GNB1: variants seen among roughly 807,000 people sequenced by gnomAD.
GNB1 encodes the protein G protein subunit beta 1.
Under a neutral mutation model 42.9 loss-of-function variants are expected in GNB1, and 2 were observed. The ratio of observed to expected loss-of-function variants is 0.05; its 90% CI spans 0.02 to 0.15. The LOEUF (loss-of-function observed/expected upper bound fraction) is 0.15. Among genes scored for constraint, GNB1 ranks in the 10% least tolerant of loss-of-function variants. The pLI is 1.00. For synonymous variants in GNB1, 183 were observed against 174.7 expected, an observed-to-expected ratio of 1.05 and a Z score of -0.38; for missense variants, 193 against 462.2, an observed-to-expected ratio of 0.42 and a Z score of 5.34.
At chr1:1,872,024 C>G (rs1649277411) in intron 1 of GNB1, among the ~76,000 whole-genome samples, 1 of 149,754 alleles carries the variant, frequency 6.7e-6, no homozygotes, top group African/African-American at 2.5e-5. Flanking sequence ...TTTCTTAAGA[C>G]AGGGTCTCGC....
At chr1:1,844,103 G>A (rs575339623) in intron 1 of GNB1, among the ~76,000 whole-genome samples, 1 of 152,098 alleles carries the variant, frequency 6.6e-6, no homozygotes, top group South Asian at 2.1e-4. Flanking sequence ...GGTGAGGCAG[G>A]AGAATGGCGT....
chr1:1,825,147 G>C (rs1646980205), intron 3 of GNB1: 1 of 402,152 alleles, frequency 2.5e-6, no homozygotes, highest in Non-Finnish European at 4.5e-6. Context: ...GAATGCAAAA[G>C]ACACTTATAA....
chr1:1,824,389 C>T (rs1238590431), intron 3 of GNB1, among the ~76,000 whole-genome samples: 2 of 151,940 alleles, frequency 1.3e-5, no homozygotes, highest in Non-Finnish European at 2.9e-5. Flanking sequence ...TGCAGTGAGA[C>T]GAGATCGCGC....
intron 2 of GNB1, among the ~76,000 whole-genome samples, chr1:1,837,943 C>T (rs1647174573): frequency 6.6e-6 from 1 of 151,798 alleles, no homozygotes; most frequent in South Asian, 2.1e-4. Flanking sequence ...TGGCTCACGC[C>T]TGTAATCCCA....
At chr1:1,875,341 G>A (rs78385225) in intron 1 of GNB1, among the ~76,000 whole-genome samples, 395 of 152,056 alleles carry the variant, frequency 2.6e-3, no homozygotes, top group African/African-American at 9.0e-3. Context: ...ACAGGTGCAC[G>A]CCACCACACC....
rs150887991 is a variant in GNB1 at position 1,795,613 on chromosome 1, T to C, written c.431-2302A>G. Among the ~76,000 whole-genome samples the C allele has an allele frequency of 4.0e-3, 611 of 152,080 alleles. 10 individuals are homozygous for C. Among genetic ancestry groups the C allele is most frequent in the East Asian group, 0.029 (150 of 5,172 alleles). On this transcript the variant is annotated intron_variant, in intron 7 of 11. Coordinates refer to ENST00000378609, the MANE Select transcript of GNB1 (RefSeq NM_002074.5). The stretch of plus-strand genomic sequence containing the variant: ...AAATATAAAAATTAGCCAGCTGTGG[T>C]GGTGGGTGCTGGGTCTGTAATCCCA...
intron 1 of GNB1, among the ~76,000 whole-genome samples, chr1:1,886,320 A>C (rs899338915): frequency 1.3e-5 from 2 of 152,070 alleles, no homozygotes; most frequent in Admixed American, 6.6e-5. Flanking sequence ...TCTGTCTCAC[A>C]AAAAAAGCTT....
At chr1:1,829,454 T>C (rs1647046197) in intron 2 of GNB1, among the ~76,000 whole-genome samples, 1 of 152,228 alleles carries the variant, frequency 6.6e-6, no homozygotes, top group Non-Finnish European at 1.5e-5. Context: ...CCAGACACCC[T>C]GTACAGGAGT....
chr1:1,799,001 G>C (rs1415325249), intron 7 of GNB1, among the ~76,000 whole-genome samples: 7 of 151,706 alleles, frequency 4.6e-5, no homozygotes, highest in Non-Finnish European at 1.0e-4. Context: ...CTCACTGCAG[G>C]CTCCGCCCCC....
In GNB1 at chr1:1,864,314, C is replaced by CAAAAAAAAAAAA. The variant is rs1173466617; in HGVS notation, c.-95-25088_-95-25077dup. 5.5e-3 allele frequency among the ~76,000 whole-genome samples: 208 copies of CAAAAAAAAAAAA among 37,900 alleles called. 7 individuals carry two copies. The highest frequency in any genetic ancestry group is 8.2e-3 in the Non-Finnish European group (168 of 20,380). The allele number at this position is 37,900 out of a possible 152,430, so 24.9% of individuals were successfully genotyped here. Reference sequence around the variant, plus strand: ...CTGGGTGACAAGAGCAAGACTCTCTCAAAAAAAAAAAAAAAAAAAAAAGAA... The same window carrying CAAAAAAAAAAAA: ...CTGGGTGACAAGAGCAAGACTCTCTCAAAAAAAAAAAAAAAAAAAAAAAAAAAAAAAAAAGAA... On this transcript the variant is annotated intron_variant, in intron 1 of 11. Coordinates refer to ENST00000378609, the MANE Select transcript of GNB1 (RefSeq NM_002074.5).
At chr1:1,829,684 C>T (rs763563277) in intron 2 of GNB1, among the ~76,000 whole-genome samples, 7 of 152,140 alleles carry the variant, frequency 4.6e-5, no homozygotes, top group African/African-American at 7.2e-5. Flanking sequence ...GTGTACAAAG[C>T]ATGATGCTTT....
At chr1:1,874,213 G>A (rs948681233) in intron 1 of GNB1, among the ~76,000 whole-genome samples, 2 of 152,196 alleles carry the variant, frequency 1.3e-5, no homozygotes, top group Admixed American at 1.3e-4. Context: ...GCTCACGCCT[G>A]TAATCCCAGC....
At chr1:1,869,352 T>C (rs961211712) in intron 1 of GNB1, among the ~76,000 whole-genome samples, 1 of 152,160 alleles carries the variant, frequency 6.6e-6, no homozygotes, top group Admixed American at 6.6e-5. Flanking sequence ...AAAAACAGAA[T>C]TTCACTAGAA....
intron 4 of GNB1, among the ~76,000 whole-genome samples, chr1:1,817,203 G>T (rs1215370104): frequency 6.6e-6 from 1 of 152,086 alleles, no homozygotes; most frequent in Non-Finnish European, 1.5e-5. Context: ...ACAATACATA[G>T]CCATTTGTTT....
At chr1:1,865,376 G>A (rs1479140120) in intron 1 of GNB1, among the ~76,000 whole-genome samples, 4 of 150,168 alleles carry the variant, frequency 2.7e-5, no homozygotes, top group Admixed American at 2.7e-4. Flanking sequence ...CACAAGGTCA[G>A]GAGATCGAGA....
chr1:1,890,622 G>T (rs1435360780), intron 1 of GNB1, among the ~76,000 whole-genome samples, 198 bp downstream of exon 1: 1 of 147,868 alleles, frequency 6.8e-6, no homozygotes, highest in Non-Finnish European at 1.5e-5. Context: ...CCTAGACCCC[G>T]CCCTCGACCC....
At position 1,803,851 on chromosome 1, in the gene GNB1, G is replaced by A. The variant is rs541379782; in HGVS notation, c.430+568C>T. 3.2e-3 allele frequency among the ~76,000 whole-genome samples: 492 copies of A among 151,804 alleles called. 5 individuals are homozygous for A. Among genetic ancestry groups the A allele is most frequent in the African/African-American group, 0.011 (446 of 41,386 alleles). ...ACAAAAATTAGCTGGGCGTGGTGGC[G>A]GACACCTGTGGTCCCAGCTACTTGG... On this transcript the variant is annotated intron_variant, in intron 7 of 11. Transcript: ENST00000378609.
In GNB1 at chr1:1,844,732, C is replaced by T. The variant is rs145486059; in HGVS notation, c.-95-5494G>A. ...GATACCCAAACCAGAATAGGACACA[C>T]GGCATTAGGCAGACTTTCTCACATT... On this transcript the variant is annotated intron_variant, in intron 1 of 11. Coordinates refer to ENST00000378609, the MANE Select transcript of GNB1 (RefSeq NM_002074.5). 1.9e-3 allele frequency among the ~76,000 whole-genome samples: 287 copies of T among 152,302 alleles called. 1 individual carries two copies. The highest frequency in any genetic ancestry group is 3.4e-3 in the Middle Eastern group (1 of 294).
In GNB1 at chr1:1,790,400, T is replaced by C. The variant is rs1646466406; in HGVS notation, c.694A>G (p.Ile232Val). ...FTGHESDINAICFFPNGNAFA... is the reference protein window; with the variant it reads ...FTGHESDINAVCFFPNGNAFA... ...ACACCTCCACCCAGACTCACGCAAA[T>C]GGCATTGATGTCAGACTCGTGGCCA... The change falls in exon 9 of 12, where the codon ATT (isoleucine) becomes GTT (valine). Residue 232 changes from isoleucine to valine, a missense_variant. Physicochemically the swap from Ile to Val is conservative, Grantham distance 29 (BLOSUM62 3). Coordinates refer to ENST00000378609, the MANE Select transcript of GNB1 (RefSeq NM_002074.5). The surrounding 1 kb of genome is among the most constrained non-coding windows in gnomAD (Gnocchi z 5.4). 1 of 1,610,736 alleles carries C rather than the reference T, an allele frequency of 6.2e-7. No individual in the cohort carries two copies.
Sources: allele counts gnomAD v4.1 joint callset (sites outside exome capture counted in the v4.1 genomes callset), GRCh38; gene constraint gnomAD v4.1.1; non-coding constraint Gnocchi (gnomAD v3.1); transcripts MANE v1.5; gene names NCBI Gene and HGNC (gene_info 2026-07-23, HGNC 2026-07-21).